AGBL4: variants seen among roughly 807,000 people sequenced by gnomAD.
AGBL4 encodes cytosolic carboxypeptidase 6.
Under a neutral mutation model 66.4 loss-of-function variants are expected in AGBL4, and 58 were observed. The observed-to-expected ratio is 0.87, with a 90% CI of 0.71 to 1.09. AGBL4 has a LOEUF of 1.09. Ranked by LOEUF, AGBL4 falls within the 50% of genes least tolerant of loss-of-function variation. AGBL4 has a pLI of 0.00. For synonymous variants in AGBL4, 234 were observed against 222.9 expected, an observed-to-expected ratio of 1.05 and a Z score of -0.44; for missense variants, 579 against 631.0, an observed-to-expected ratio of 0.92 and a Z score of 0.88.
intron 6 of AGBL4, among the ~76,000 whole-genome samples, chr1:48,844,155 G>A (rs1230075066): frequency 2.0e-5 from 3 of 152,094 alleles, no homozygotes; most frequent in Non-Finnish European, 4.4e-5. Context: ...CCAGCCTCCT[G>A]GGCCCTAGCT....
intron 4 of AGBL4, among the ~76,000 whole-genome samples, chr1:49,203,508 C>T (rs1156232683): frequency 6.6e-6 from 1 of 152,052 alleles, no homozygotes; most frequent in Non-Finnish European, 1.5e-5. Context: ...GTGAAGCCAA[C>T]CACAAAAAGA....
intron 6 of AGBL4, among the ~76,000 whole-genome samples, chr1:48,803,976 A>G (rs1383511216): frequency 1.3e-5 from 2 of 152,214 alleles, no homozygotes; most frequent in East Asian, 1.9e-4. Context: ...ACCTCTCAAC[A>G]TCTCAGTTTC....
intron 2 of AGBL4, among the ~76,000 whole-genome samples, chr1:49,832,654 A>T (rs1249209767): frequency 6.6e-6 from 1 of 150,788 alleles, no homozygotes; most frequent in Non-Finnish European, 1.5e-5. Flanking sequence ...CCTCTCCAGC[A>T]CCTGTTGTTT....
chr1:49,150,932 G>A lies in AGBL4; in HGVS notation c.377+94838C>T, dbSNP rs1646315165. On this transcript the variant is annotated intron_variant, in intron 4 of 13. Transcript: ENST00000371839. ...CTGAGAAATATTTCTGAAATTAATA[G>A]ATTAATGAAAATTAAAATACAATTT... 4.6e-5 allele frequency among the ~76,000 whole-genome samples: 7 copies of A among 152,124 alleles called. No individual in the cohort carries two copies. The South Asian group carries it at 1.5e-3, about 32-fold the overall frequency.
At chr1:48,562,524 A>G (rs892186209) in intron 11 of AGBL4, among the ~76,000 whole-genome samples, 6 of 152,176 alleles carry the variant, frequency 3.9e-5, no homozygotes, top group African/African-American at 1.4e-4. Context: ...CTGTATCCCC[A>G]CAGAGTTCTG....
At chr1:49,703,604 A>G (rs566094978) in intron 2 of AGBL4, among the ~76,000 whole-genome samples, 28 of 152,022 alleles carry the variant, frequency 1.8e-4, no homozygotes, top group Non-Finnish European at 3.5e-4. Flanking sequence ...AATGAAAACA[A>G]AAATGTAGCA....
intron 3 of AGBL4, among the ~76,000 whole-genome samples, chr1:49,408,678 ACT>A (rs1645254808): frequency 6.6e-6 from 1 of 152,016 alleles, no homozygotes; most frequent in South Asian, 2.1e-4. Flanking sequence ...CACACATCAG[ACT>A]CTGAGTTCTT....
intron 2 of AGBL4, among the ~76,000 whole-genome samples, chr1:49,772,349 T>C (rs538408457): frequency 1.3e-5 from 2 of 152,304 alleles, no homozygotes; most frequent in African/African-American, 4.8e-5. Flanking sequence ...TATTGATGTA[T>C]TGATGTTTTT....
chr1:49,630,997 C>T (rs1645559517), intron 3 of AGBL4, among the ~76,000 whole-genome samples: 1 of 152,126 alleles, frequency 6.6e-6, no homozygotes, highest in African/African-American at 2.4e-5. Context: ...CTCAAAGGGG[C>T]ACCTGTTGCC....
intron 3 of AGBL4, among the ~76,000 whole-genome samples, chr1:49,276,738 G>A (rs1434059247): frequency 1.3e-5 from 2 of 152,130 alleles, no homozygotes; most frequent in Non-Finnish European, 2.9e-5. Context: ...CACCATGACC[G>A]GATTTACCAC....
At chr1:48,991,255 T>C (rs1660585384) in intron 5 of AGBL4, among the ~76,000 whole-genome samples, 1 of 152,178 alleles carries the variant, frequency 6.6e-6, no homozygotes, top group African/African-American at 2.4e-5. Flanking sequence ...AGTGTACAAT[T>C]TTTTTGTTTT....
intron 9 of AGBL4, among the ~76,000 whole-genome samples, chr1:48,603,963 ACAACAACAAC>A (rs1645114358): frequency 6.6e-6 from 1 of 151,762 alleles, no homozygotes; most frequent in Non-Finnish European, 1.5e-5. Flanking sequence ...AACAACAACA[ACAACAACAAC>A]AAAAACCAAA....
At chr1:49,566,217 G>T (rs530115813) in intron 3 of AGBL4, among the ~76,000 whole-genome samples, 1 of 151,930 alleles carries the variant, frequency 6.6e-6, no homozygotes. Flanking sequence ...TTTTTTTCAA[G>T]TTTTTAGCTT....
chr1:48,643,756 T>C (rs1455827834), intron 8 of AGBL4, among the ~76,000 whole-genome samples: 1 of 147,428 alleles, frequency 6.8e-6, no homozygotes, highest in East Asian at 2.0e-4. Flanking sequence ...ATGAAACTTA[T>C]CTGACTGGTC....
At chr1:48,762,614 TTGTGTGTGTGTGTGTG>T (rs58396843) in intron 6 of AGBL4, among the ~76,000 whole-genome samples, 18 of 75,182 alleles carry the variant, frequency 2.4e-4, no homozygotes, top group Non-Finnish European at 3.0e-4. Context: ...TTTAAGGGTT[TTGTGTGTGTGTGTGTG>T]TGTGTGTGTG....
intron 3 of AGBL4, among the ~76,000 whole-genome samples, chr1:49,583,389 T>C (rs1284968225): frequency 1.3e-5 from 2 of 152,350 alleles, no homozygotes. Context: ...TCATATTTTA[T>C]AATAAACCAG....
chr1:48,604,504 C>T (rs1369849786), intron 9 of AGBL4, among the ~76,000 whole-genome samples: 1 of 151,944 alleles, frequency 6.6e-6, no homozygotes, highest in African/African-American at 2.4e-5. Context: ...ATAAATAGAA[C>T]TCTTTATTAA....
At chr1:49,838,766 C>A (rs1204215060) in intron 2 of AGBL4, among the ~76,000 whole-genome samples, 1 of 152,006 alleles carries the variant, frequency 6.6e-6, no homozygotes, top group East Asian at 1.9e-4. Context: ...TTCTGGTTAT[C>A]ACTAGAAAAA....
intron 3 of AGBL4, among the ~76,000 whole-genome samples, chr1:49,622,197 T>C (rs1343727341): frequency 6.6e-6 from 1 of 152,198 alleles, no homozygotes; most frequent in Non-Finnish European, 1.5e-5. Flanking sequence ...CTCCACAGTG[T>C]AGCCAGACTT....
Sources: gnomAD v4.1 joint callset for allele counts (sites outside exome capture counted in the v4.1 genomes callset) on GRCh38, gnomAD v4.1.1 for gene constraint, MANE v1.5 for transcripts, NCBI Gene and HGNC (gene_info 2026-07-23, HGNC 2026-07-21) for gene names.